Variants in RAI14 observed in about 807,000 individuals in gnomAD.
RAI14 encodes the protein retinoic acid induced 14.
A neutral mutation model predicts 115.4 loss-of-function variants in RAI14; 45 were observed. The observed-to-expected ratio is 0.39, with a 90% CI of 0.31 to 0.50. The LOEUF is 0.50. Among genes scored for constraint, RAI14 ranks in the 20% least tolerant of loss-of-function variants. The pLI, the probability that RAI14 is intolerant of heterozygous loss-of-function variation, is 0.85. For synonymous variants in RAI14, 371 were observed against 415.4 expected, an observed-to-expected ratio of 0.89 and a Z score of 1.30; for missense variants, 939 against 1,131.2, an observed-to-expected ratio of 0.83 and a Z score of 2.44.
At chr5:34,785,959 A>G (rs1390722395) in intron 3 of RAI14, among the ~76,000 whole-genome samples, 2 of 152,168 alleles carry the variant, frequency 1.3e-5, no homozygotes, top group Non-Finnish European at 2.9e-5. Flanking sequence ...AAGTAATCCT[A>G]TCATCCCCGC....
chr5:34,737,698 G>A (rs1030703486), intron 2 of RAI14, among the ~76,000 whole-genome samples: 1 of 152,132 alleles, frequency 6.6e-6, no homozygotes, highest in South Asian at 2.1e-4. Context: ...GGTTGAAGCT[G>A]CAGTGAGCTA....
At chr5:34,679,356 A>C (rs1579884610) in intron 1 of RAI14, among the ~76,000 whole-genome samples, 1 of 152,254 alleles carries the variant, frequency 6.6e-6, no homozygotes, top group African/African-American at 2.4e-5. Flanking sequence ...CAGGCAGTGC[A>C]AAGTTTCACT....
At chr5:34,731,573 T>C (rs1412894769) in intron 2 of RAI14, among the ~76,000 whole-genome samples, 6 of 152,222 alleles carry the variant, frequency 3.9e-5, no homozygotes, top group Admixed American at 3.3e-4. Context: ...GGCAAAGCCA[T>C]CTTACTTCCA....
intron 3 of RAI14, among the ~76,000 whole-genome samples, chr5:34,768,062 G>A (rs1417609646): frequency 6.6e-6 from 1 of 152,130 alleles, no homozygotes; most frequent in Non-Finnish European, 1.5e-5. Context: ...TGGAAAAGCT[G>A]TAGACACTCA....
chr5:34,757,157 A>G (rs1161405499), intron 2 of RAI14, among the ~76,000 whole-genome samples: 1 of 152,166 alleles, frequency 6.6e-6, no homozygotes, highest in Non-Finnish European at 1.5e-5. Context: ...GAAATTAGCT[A>G]ATGTGTAAAC....
chr5:34,700,919 A>G (rs1319513693), intron 2 of RAI14, among the ~76,000 whole-genome samples: 1 of 152,210 alleles, frequency 6.6e-6, no homozygotes, highest in Non-Finnish European at 1.5e-5. Context: ...AAATTACCTA[A>G]ATTTAGACCC....
chr5:34,709,924 C>G (rs540122787), intron 2 of RAI14, among the ~76,000 whole-genome samples: 3 of 152,186 alleles, frequency 2.0e-5, no homozygotes, highest in Non-Finnish European at 4.4e-5. Context: ...TTCAAACCAT[C>G]CCGAAGAAAA....
At chr5:34,701,241 A>T (rs1294598904) in intron 2 of RAI14, among the ~76,000 whole-genome samples, 4 of 152,222 alleles carry the variant, frequency 2.6e-5, no homozygotes, top group Non-Finnish European at 5.9e-5. Context: ...ATTACGAGAC[A>T]AGGAAGAAAA....
intron 2 of RAI14, among the ~76,000 whole-genome samples, chr5:34,744,050 T>G (rs1425929779): frequency 2.0e-5 from 3 of 152,176 alleles, no homozygotes; most frequent in African/African-American, 7.2e-5. Flanking sequence ...TCATGTGAAA[T>G]GTGTAATGTA....
chr5:34,750,702 G>A (rs1052539359), intron 2 of RAI14, among the ~76,000 whole-genome samples: 3 of 152,120 alleles, frequency 2.0e-5, no homozygotes, highest in African/African-American at 7.2e-5. Flanking sequence ...GTTATAAAGT[G>A]AGCATCTGAG....
chr5:34,658,360 G>A (rs1221002141), intron 1 of RAI14, among the ~76,000 whole-genome samples: 1 of 152,134 alleles, frequency 6.6e-6, no homozygotes, highest in African/African-American at 2.4e-5. Flanking sequence ...CTATCACCTA[G>A]GCTTTAAAAG....
chr5:34,710,318 C>T (rs542971116), intron 2 of RAI14, among the ~76,000 whole-genome samples: 1 of 152,216 alleles, frequency 6.6e-6, no homozygotes, highest in Non-Finnish European at 1.5e-5. Context: ...TATTCTAGTC[C>T]TCTGTCCTTA....
chr5:34,676,461 C>T (rs545689634), intron 1 of RAI14, among the ~76,000 whole-genome samples: 141 of 152,186 alleles, frequency 9.3e-4, no homozygotes, highest in Middle Eastern at 3.4e-3. Context: ...TTTTTATATT[C>T]CAGAGGTAGC....
At chr5:34,697,777 T>C (rs887145968) in intron 2 of RAI14, among the ~76,000 whole-genome samples, 4 of 152,226 alleles carry the variant, frequency 2.6e-5, no homozygotes, top group Non-Finnish European at 5.9e-5. Context: ...TATAAAATTG[T>C]GCAATATGAG....
chr5:34,807,929 C>T, intron 6 of RAI14, 72 bp downstream of exon 6: 6 of 1,152,202 alleles, frequency 5.2e-6, no homozygotes, highest in South Asian at 2.5e-5. Flanking sequence ...TTATTCAGGC[C>T]ATTAACCTTC....
intron 2 of RAI14, among the ~76,000 whole-genome samples, chr5:34,702,621 A>G (rs979476008): frequency 6.6e-6 from 1 of 152,232 alleles, no homozygotes; most frequent in African/African-American, 2.4e-5. Context: ...TCACTTCTCT[A>G]CTACAAACCT....
chr5:34,757,567 G>A lies in RAI14; in HGVS notation c.136G>A (p.Ala46Thr). ...ASLLGKKGAS[A>T]TKHDSEGKTA... is the part of the protein sequence containing the mutation. Reference sequence around the variant, plus strand: ...ACTGCTCGGCAAGAAGGGGGCCAGTGCCACCAAACACGACAGTGAGGGCAA... The same window carrying A: ...ACTGCTCGGCAAGAAGGGGGCCAGTACCACCAAACACGACAGTGAGGGCAA... Residue 46 changes from alanine to threonine, a missense_variant, in exon 3 of 18, where the codon GCC (alanine) becomes ACC (threonine). Coordinates refer to ENST00000265109, the MANE Select transcript of RAI14 (RefSeq NM_015577.3). 1 of 1,613,696 alleles carries A rather than the reference G, an allele frequency of 6.2e-7. No homozygotes were observed. Among genetic ancestry groups the A allele is most frequent in the Non-Finnish European group, 8.5e-7 (1 of 1,179,944 alleles).
At chr5:34,687,983 G>A in intron 2 of RAI14, 2 of 1,167,382 alleles carry the variant, frequency 1.7e-6, no homozygotes, top group Non-Finnish European at 2.4e-6. Flanking sequence ...AGATGCTTAT[G>A]GGATGATGGT....
intron 3 of RAI14, among the ~76,000 whole-genome samples, chr5:34,774,481 GA>G (rs1561344165): frequency 1.3e-5 from 2 of 151,474 alleles, no homozygotes; most frequent in Admixed American, 6.6e-5. Flanking sequence ...CAAACCATCT[GA>G]AAAAAAGTGA....
Sources: gnomAD v4.1 joint callset for allele counts (sites outside exome capture counted in the v4.1 genomes callset) on GRCh38, gnomAD v4.1.1 for gene constraint, MANE v1.5 for transcripts, NCBI Gene and HGNC (gene_info 2026-07-23, HGNC 2026-07-21) for gene names.